CNTN5: variants seen among roughly 807,000 people sequenced by gnomAD.
CNTN5 encodes contactin-5.
Under a neutral mutation model 129.1 loss-of-function variants are expected in CNTN5, and 77 were observed. That is an observed-to-expected ratio of 0.60 (90% CI 0.50 to 0.72). The LOEUF is 0.72. CNTN5 is among the 30% of genes least tolerant of loss of function. The pLI is 0.00. For missense variants in CNTN5, 1,478 were observed against 1,328.8 expected, an observed-to-expected ratio of 1.11 and a Z score of -1.75; for synonymous variants, 509 against 465.6, an observed-to-expected ratio of 1.09 and a Z score of -1.20.
At chr11:99,458,103 T>A (rs2135221671) in intron 2 of CNTN5, among the ~76,000 whole-genome samples, 1 of 152,084 alleles carries the variant, frequency 6.6e-6, no homozygotes, top group East Asian at 1.9e-4. Context: ...CAAAGTATTA[T>A]TTGTATTGCA....
intron 3 of CNTN5, among the ~76,000 whole-genome samples, chr11:99,642,734 A>G (rs975728497): frequency 2.0e-5 from 3 of 152,062 alleles, no homozygotes; most frequent in African/African-American, 7.3e-5. Flanking sequence ...ACATTGACCA[A>G]CCTTTCTCCA....
At chr11:99,658,798 G>T (rs1187784980) in intron 3 of CNTN5, among the ~76,000 whole-genome samples, 1 of 144,942 alleles carries the variant, frequency 6.9e-6, no homozygotes, top group Non-Finnish European at 1.5e-5. Context: ...TGAGGCAGGA[G>T]AATTGCTTGA....
At position 100,064,209 on chromosome 11, in the gene CNTN5, A is replaced by T. The variant is rs554632064; in HGVS notation, c.1162+2816A>T. ...CAGTATTCATGTAGTACTGAAAACA[A>T]TGGTAGCACATTGTTTTTGAAAGTA... On this transcript the variant is annotated intron_variant, in intron 10 of 24. Transcript: ENST00000524871. 3.3e-5 allele frequency among the ~76,000 whole-genome samples: 5 copies of T among 152,324 alleles called. No individual in the cohort carries two copies. The South Asian group carries it at 1.0e-3, about 32-fold the overall frequency.
chr11:100,053,641 G>T (rs1423556246), intron 9 of CNTN5, among the ~76,000 whole-genome samples: 1 of 151,660 alleles, frequency 6.6e-6, no homozygotes, highest in Non-Finnish European at 1.5e-5. Flanking sequence ...AATTATACAG[G>T]TACAATGGAA....
intron 1 of CNTN5, among the ~76,000 whole-genome samples, chr11:99,114,779 A>G (rs1048170170): frequency 2.0e-5 from 3 of 152,172 alleles, no homozygotes; most frequent in African/African-American, 7.2e-5. Context: ...TATGTGCAAG[A>G]CCCTATATGA....
intron 3 of CNTN5, among the ~76,000 whole-genome samples, chr11:99,663,927 C>A (rs1338711884): frequency 2.6e-5 from 4 of 152,106 alleles, no homozygotes; most frequent in Non-Finnish European, 5.9e-5. Flanking sequence ...TAATAGCAAT[C>A]AAAAATTATT....
At chr11:99,230,841 T>G (rs1860957263) in intron 1 of CNTN5, among the ~76,000 whole-genome samples, 1 of 152,064 alleles carries the variant, frequency 6.6e-6, no homozygotes, top group African/African-American at 2.4e-5. Context: ...CAGTGTTTGT[T>G]CTCCTCCCTA....
chr11:100,189,873 T>G (rs1180635019), intron 13 of CNTN5, among the ~76,000 whole-genome samples: 1 of 152,172 alleles, frequency 6.6e-6, no homozygotes, highest in East Asian at 1.9e-4. Flanking sequence ...TTTGTCTTCC[T>G]TCTTACACAT....
At chr11:99,550,712 C>T (rs183796736) in intron 2 of CNTN5, among the ~76,000 whole-genome samples, 24 of 152,126 alleles carry the variant, frequency 1.6e-4, no homozygotes, top group African/African-American at 5.8e-4. Flanking sequence ...AACTAACATC[C>T]ATCATTACCT....
At chr11:99,632,093 G>A (rs1464849322) in intron 3 of CNTN5, among the ~76,000 whole-genome samples, 1 of 152,140 alleles carries the variant, frequency 6.6e-6, no homozygotes, top group South Asian at 2.1e-4. Flanking sequence ...GGGGGACTTG[G>A]AAGGTATACC....
intron 3 of CNTN5, among the ~76,000 whole-genome samples, chr11:99,710,555 GTGTGTGTGTGCA>G (rs1377755729): frequency 2.2e-5 from 3 of 136,516 alleles, no homozygotes; most frequent in Admixed American, 1.7e-4. Flanking sequence ...GATTGTGTGT[GTGTGTGTGTGCA>G]TGTGTGTGTG....
intron 1 of CNTN5, among the ~76,000 whole-genome samples, chr11:99,130,592 A>G (rs1432157576): frequency 6.6e-6 from 1 of 152,192 alleles, no homozygotes; most frequent in Non-Finnish European, 1.5e-5. Flanking sequence ...ACTCGAACTC[A>G]GCTCTGGACC....
intron 1 of CNTN5, among the ~76,000 whole-genome samples, chr11:99,251,086 C>T (rs1862075791): frequency 6.6e-6 from 1 of 151,926 alleles, no homozygotes; most frequent in Non-Finnish European, 1.5e-5. Context: ...GAATCAGATA[C>T]ATCTCTCTAG....
At chr11:99,962,235 GC>G (rs1455984084) in intron 8 of CNTN5, among the ~76,000 whole-genome samples, 1 of 152,010 alleles carries the variant, frequency 6.6e-6, no homozygotes, top group Non-Finnish European at 1.5e-5. Context: ...GTATACATGT[GC>G]CATGTTGGTG....
intron 21 of CNTN5, among the ~76,000 whole-genome samples, chr11:100,328,174 G>A (rs1406468891): frequency 7.0e-6 from 1 of 142,634 alleles, no homozygotes; most frequent in Non-Finnish European, 1.5e-5. Flanking sequence ...AACATAGCGA[G>A]ACCATGTCGC....
chr11:99,031,881 G>C (rs1253619479), intron 1 of CNTN5, among the ~76,000 whole-genome samples: 1 of 149,218 alleles, frequency 6.7e-6, no homozygotes. Context: ...TCGTCATCTA[G>C]CATTAGGTAT....
intron 1 of CNTN5, among the ~76,000 whole-genome samples, chr11:99,271,188 T>G (rs2135856560): frequency 6.6e-6 from 1 of 152,062 alleles, no homozygotes; most frequent in Non-Finnish European, 1.5e-5. Context: ...AAAGTTAATT[T>G]AATCAGACTT....
intron 3 of CNTN5, among the ~76,000 whole-genome samples, chr11:99,797,994 C>T (rs1267076044): frequency 6.6e-6 from 1 of 152,020 alleles, no homozygotes; most frequent in Non-Finnish European, 1.5e-5. Context: ...GATACCTGTG[C>T]ATGTTTGTTA....
intron 13 of CNTN5, among the ~76,000 whole-genome samples, chr11:100,116,424 G>GTGAT (rs554843872): frequency 1.2e-3 from 187 of 151,656 alleles, no homozygotes; most frequent in African/African-American, 4.0e-3. Context: ...AAAAAATTTG[G>GTGAT]TGATTATAAA....
Sources: allele counts gnomAD v4.1 joint callset (sites outside exome capture counted in the v4.1 genomes callset), GRCh38; gene constraint gnomAD v4.1.1; transcripts MANE v1.5; gene names NCBI Gene and HGNC (gene_info 2026-07-23, HGNC 2026-07-21).